REXO1: variants seen among roughly 807,000 people sequenced by gnomAD.
The protein encoded by REXO1 is RNA exonuclease 1 homolog, also known as REX1, RNA exonuclease 1 homolog.
In REXO1, 42 loss-of-function variants were observed where a neutral mutation model predicts 102.6. The observed-to-expected ratio is 0.41, with a 90% confidence interval of 0.32 to 0.53. The LOEUF (loss-of-function observed/expected upper bound fraction) is 0.53. Ranked by LOEUF, REXO1 falls within the 20% of genes least tolerant of loss-of-function variation. The pLI, the probability that REXO1 is intolerant of heterozygous loss-of-function variation, is 0.27. For missense variants in REXO1, 1,819 were observed against 1,732.5 expected (o/e 1.05, Z -0.89); for synonymous variants, 908 against 779.1 (o/e 1.17, Z -2.76).
chr19:1,822,283 G>A (rs75354208), intron 4 of REXO1: 2,249 of 176,564 alleles, frequency 0.013, 59 homozygotes, highest in African/African-American at 0.05. Flanking sequence ...AACATCCCTC[G>A]AAATGCCATC....
At chr19:1,820,625 G>T (rs2069506055) in intron 5 of REXO1, among the ~76,000 whole-genome samples, 1 of 152,194 alleles carries the variant, frequency 6.6e-6, no homozygotes, top group Non-Finnish European at 1.5e-5. Flanking sequence ...GGGGCACAAG[G>T]GAACTTGCTG....
Position 1,816,359 on chromosome 19 carries a change from C to A in REXO1, c.3457-14G>T, listed in dbSNP as rs752875959. 2 of 1,589,532 alleles carry A rather than the reference C, an allele frequency of 1.3e-6. No individual in the cohort carries two copies. The highest frequency in any genetic ancestry group is 1.7e-6 in the Non-Finnish European group (2 of 1,167,044). On this transcript the variant is annotated splice_polypyrimidine_tract_variant and intron_variant, in intron 14 of 15. Coordinates refer to ENST00000170168, the MANE Select transcript of REXO1 (RefSeq NM_020695.4). ...GCTGTGGATGACCTGTGGGCAGCGGCAGAGATCAGCGCACGTGGGGCCTGC... is the reference window on the plus strand; with the variant it reads ...GCTGTGGATGACCTGTGGGCAGCGGAAGAGATCAGCGCACGTGGGGCCTGC...
chr19:1,825,824 C>G lies in REXO1; in HGVS notation c.2016+15G>C, dbSNP rs533450230. On this transcript the variant is annotated intron_variant, in intron 3 of 15. Transcript: ENST00000170168. ...AAAAAAAGGCTCCTGCTGGCCTGGC[C>G]TCTGCGGACCTTACCTCCTGGCCTT... 7 of 1,556,634 alleles carry G rather than the reference C, an allele frequency of 4.5e-6. No homozygotes were observed. In the South Asian group the frequency reaches 7.8e-5, roughly 17 times the overall value.
chr19:1,823,658 A>T lies in REXO1; in HGVS notation c.2144T>A (p.Leu715Gln). Residue 715 changes from leucine (L) to glutamine (Q), a missense_variant, in exon 4 of 16, where the codon CTG becomes CAG. Physicochemically the swap from Leu to Gln is moderately radical, Grantham distance 113. Transcript: ENST00000170168. The part of the protein sequence containing the change: ...SASLLQAPAR[L>Q]AEKSPSVHIS... The stretch of plus-strand genomic sequence containing the variant: ...GTGGACGGAGGGCGACTTCTCTGCC[A>T]GCCTGGCGGGGGCCTGCAGCAAGCT... 14 of 1,297,156 alleles carry T rather than the reference A, an allele frequency of 1.1e-5. No homozygotes were observed. The highest frequency in any genetic ancestry group is 1.4e-5 in the Non-Finnish European group (14 of 1,014,504). The allele number at this position is 1,297,156 out of a possible 1,614,324, so 80.4% of individuals were successfully genotyped here. A position where few individuals can be genotyped will look rare whatever the true frequency, so the allele number is the denominator to read the frequency against.
chr19:1,825,988 C>T (rs2069708601), intron 2 of REXO1, 45 bp from the exon 3 acceptor site: 1 of 1,381,784 alleles, frequency 7.2e-7, no homozygotes, highest in Non-Finnish European at 1.0e-6. Flanking sequence ...CCCTCGCTGC[C>T]AACACCAACA....
At position 1,848,399 on chromosome 19, in the gene REXO1, G is replaced by A; in HGVS notation, c.-41C>T. 3 of 1,173,832 alleles carry A rather than the reference G, an allele frequency of 2.6e-6. No individual in the cohort carries two copies. Among genetic ancestry groups the A allele is most frequent in the South Asian group, 4.2e-5 (1 of 23,746 alleles). 72.7% of individuals were successfully genotyped at this position (1,173,832 alleles called of 1,614,324 possible). A position where few individuals can be genotyped will look rare whatever the true frequency, so the allele number is the denominator to read the frequency against. ...GGGGCCCCGGCCCGGAGCCGCCCGG[G>A]CCCCAGGGCCCCCTCACTGGCGCCG... On this transcript the variant is annotated 5_prime_UTR_variant, in exon 1 of 16. Coordinates refer to ENST00000170168, the MANE Select transcript of REXO1 (RefSeq NM_020695.4).
At chr19:1,820,184 A>T in intron 6 of REXO1, 80 bp downstream of exon 6, 1 of 1,560,402 alleles carries the variant, frequency 6.4e-7, no homozygotes, top group South Asian at 1.2e-5. Flanking sequence ...GCTGCGGCTG[A>T]GAGGCCGGGG....
At position 1,825,956 on chromosome 19, in the gene REXO1, T is replaced by G; in HGVS notation, c.1912-13A>C. 1 of 1,591,416 alleles carries G rather than the reference T, an allele frequency of 6.3e-7. No homozygotes were observed. Among genetic ancestry groups the G allele is most frequent in the Non-Finnish European group, 8.6e-7 (1 of 1,159,930 alleles). On this transcript the variant is annotated splice_polypyrimidine_tract_variant and intron_variant, in intron 2 of 15. Coordinates refer to ENST00000170168, the MANE Select transcript of REXO1 (RefSeq NM_020695.4). ...CTTCCTTGGGGGGCTAAGACACATG[T>G]CCGTCCGTCAGCACAGGTCTGCCCT...
chr19:1,838,242 G>A (rs1033779945), intron 1 of REXO1, among the ~76,000 whole-genome samples: 2 of 151,468 alleles, frequency 1.3e-5, no homozygotes, highest in Non-Finnish European at 2.9e-5. Flanking sequence ...GCTTGAACCC[G>A]GAAGGTGGAG....
Position 1,827,233 on chromosome 19 carries a change from G to T in REXO1, c.1556C>A (p.Ala519Asp). Reference protein sequence around the residue: ...PKLKKRALSHADLFGDESEDE... With the variant: ...PKLKKRALSHDDLFGDESEDE... ...CTCACTCTCGTCCCCAAAGAGGTCG[G>T]CGTGGCTCAGGGCCCGCTTCTTCAG... The change falls in exon 2 of 16, where the codon GCC (alanine) becomes GAC (aspartate). Residue 519 changes from alanine to aspartate, a missense_variant. By Grantham distance (126) the Ala-to-Asp change is moderately radical (BLOSUM62 -2). Transcript: ENST00000170168. 6.5e-7 allele frequency: 1 copy of T among 1,548,628 alleles called. No individual in the cohort carries two copies.
At chr19:1,847,114 A>G (rs2011577611) in intron 1 of REXO1, among the ~76,000 whole-genome samples, 1 of 152,108 alleles carries the variant, frequency 6.6e-6, no homozygotes. Flanking sequence ...CGCCTCAAAC[A>G]CAGCGAAGAC....
intron 4 of REXO1, chr19:1,823,218 A>C (rs1363801204): frequency 1.1e-5 from 3 of 276,204 alleles, no homozygotes; most frequent in Non-Finnish European, 2.0e-5. Context: ...CGCCAGGAGA[A>C]AGCCACACCT....
chr19:1,820,097 T>C, intron 6 of REXO1, 40 bp from the exon 7 acceptor site: 2 of 1,586,752 alleles, frequency 1.3e-6, no homozygotes, highest in Non-Finnish European at 1.7e-6. Context: ...CATGCCTGCC[T>C]GGTGCCGGGG....
intron 7 of REXO1, 134 bp downstream of exon 7, chr19:1,819,800 C>T: frequency 1.0e-6 from 1 of 996,306 alleles, no homozygotes; most frequent in Admixed American, 3.7e-5. Context: ...GGCAGCCCCC[C>T]CACAGCACCG....
chr19:1,827,279 C>T lies in REXO1; in HGVS notation c.1510G>A (p.Ala504Thr), dbSNP rs200648679. ...ERKARSLDEG[A>T]SQDAPKLKKR... Reference sequence around the variant, plus strand: ...TTCAGCTTGGGGGCGTCCTGGGAGGCGCCCTCGTCTAGTGAGCGGGCTTTC... The same window carrying T: ...TTCAGCTTGGGGGCGTCCTGGGAGGTGCCCTCGTCTAGTGAGCGGGCTTTC... Residue 504 changes from alanine to threonine, a missense_variant, in exon 2 of 16, where the codon GCC (alanine) becomes ACC (threonine). Physicochemically the swap from Ala to Thr is moderately conservative, Grantham distance 58. Coordinates refer to ENST00000170168, the MANE Select transcript of REXO1 (RefSeq NM_020695.4). 1.6e-4 allele frequency: 246 copies of T among 1,563,040 alleles called. No homozygotes were observed. In the African/African-American group the frequency reaches 2.3e-3, roughly 15 times the overall value.
chr19:1,846,631 G>A (rs186149042), intron 1 of REXO1, among the ~76,000 whole-genome samples: 1 of 152,328 alleles, frequency 6.6e-6, no homozygotes, highest in East Asian at 1.9e-4. Context: ...GCTCACACCT[G>A]TAACCCCAGC....
intron 1 of REXO1, among the ~76,000 whole-genome samples, chr19:1,845,011 A>T (rs1166702730): frequency 6.6e-6 from 1 of 152,176 alleles, no homozygotes; most frequent in African/African-American, 2.4e-5. Flanking sequence ...CTCTCCTGGA[A>T]GACAGTGTCC....
intron 1 of REXO1, among the ~76,000 whole-genome samples, chr19:1,830,513 AAAAAT>A (rs1164351793): frequency 2.0e-5 from 3 of 152,372 alleles, no homozygotes; most frequent in Middle Eastern, 3.4e-3. Flanking sequence ...CAGCTCTTAA[AAAAAT>A]AAAATAAAGT....
Position 1,848,312 on chromosome 19 carries a change from C to A in REXO1, c.47G>T (p.Trp16Leu). The change falls in exon 1 of 16, where the codon TGG becomes TTG. Residue 16 changes from tryptophan (W) to leucine (L), a missense_variant. Trp to Leu is a moderately conservative substitution (Grantham distance 61, BLOSUM62 -2). Transcript: ENST00000170168. The stretch of plus-strand genomic sequence containing the variant: ...GCAGGGCCCCCCGGGCGCCCCAGAC[C>A]AATAGGGGCAGTCAATGGCCCGGAA... ...GFFRAIDCPY[W>L]SGAPGGPCRR... 1 of 1,229,786 alleles carries A rather than the reference C, an allele frequency of 8.1e-7. No individual in the cohort carries two copies. The highest frequency in any genetic ancestry group is 1.0e-6 in the Non-Finnish European group (1 of 979,696). 76.2% of individuals were successfully genotyped at this position (1,229,786 alleles called of 1,614,324 possible).
Sources: allele counts gnomAD v4.1 joint callset (sites outside exome capture counted in the v4.1 genomes callset), GRCh38; gene constraint gnomAD v4.1.1; transcripts MANE v1.5; gene names NCBI Gene and HGNC (gene_info 2026-07-23, HGNC 2026-07-21).